Variants in PRDM1 observed in about 807,000 individuals in gnomAD.
The protein encoded by PRDM1 is PR/SET domain 1.
Under a neutral mutation model 62.8 loss-of-function variants are expected in PRDM1, and 13 were observed. The ratio of observed to expected loss-of-function variants is 0.21; its 90% CI spans 0.13 to 0.33. PRDM1 has a LOEUF of 0.33. Ranked by LOEUF, PRDM1 falls within the 10% of genes least tolerant of loss-of-function variation. The probability of loss-of-function intolerance (pLI) is 1.00; values close to 1 mark genes in which losing one functional copy is unlikely to be tolerated. For synonymous variants in PRDM1, 396 were observed against 417.6 expected, an observed-to-expected ratio of 0.95 and a Z score of 0.63; for missense variants, 895 against 1,058.8, an observed-to-expected ratio of 0.85 and a Z score of 2.15.
chr6:106,001,069 A>G (rs566757614), intron 1 of PRDM1, among the ~76,000 whole-genome samples: 1 of 152,344 alleles, frequency 6.6e-6, no homozygotes, highest in African/African-American at 2.4e-5. Context: ...TGACATTCAA[A>G]TACTTTTCCA....
chr6:106,053,917 G>A (rs1306863647), intron 1 of PRDM1, among the ~76,000 whole-genome samples: 1 of 150,786 alleles, frequency 6.6e-6, no homozygotes, highest in African/African-American at 2.4e-5. Flanking sequence ...AGAGTGGTGA[G>A]ATCTTTTGAA....
chr6:106,028,187 G>A (rs979142339), intron 1 of PRDM1, among the ~76,000 whole-genome samples: 1 of 152,070 alleles, frequency 6.6e-6, no homozygotes, highest in Non-Finnish European at 1.5e-5. Context: ...TTCCTCCAGC[G>A]GGGCTGGATT....
chr6:106,074,513 CTTAA>C (rs1773570498), intron 1 of PRDM1, among the ~76,000 whole-genome samples: 1 of 152,086 alleles, frequency 6.6e-6, no homozygotes, highest in Non-Finnish European at 1.5e-5. Flanking sequence ...AATTACGTAA[CTTAA>C]TTAAATATTA....
intron 1 of PRDM1, among the ~76,000 whole-genome samples, chr6:106,016,909 C>G (rs780641090): frequency 3.9e-5 from 6 of 152,132 alleles, no homozygotes; most frequent in Non-Finnish European, 5.9e-5. Flanking sequence ...GCCTTGGCCT[C>G]CCAAAGTGCC....
rs187580969 is a variant in PRDM1 at position 105,998,141 on chromosome 6, T to G, written c.-67+4502T>G. On this transcript the variant is annotated intron_variant, in intron 1 of 6. Coordinates refer to the PRDM1 transcript ENST00000652320. ...GTTTTTTTAAGTTTGCTCTTATAGA[T>G]AAACATTGCTGCCTTTCACAGCATT... is the stretch of plus-strand genomic sequence containing the variant. Among the ~76,000 whole-genome samples the G allele has an allele frequency of 1.8e-3, 273 of 152,354 alleles. 2 individuals carry two copies. Among genetic ancestry groups the G allele is most frequent in the African/African-American group, 6.4e-3 (265 of 41,582 alleles).
intron 1 of PRDM1, among the ~76,000 whole-genome samples, chr6:106,058,221 G>A (rs1773293787): frequency 1.3e-5 from 2 of 152,166 alleles, no homozygotes; most frequent in African/African-American, 4.8e-5. Flanking sequence ...CAGAGTTCTG[G>A]AGGCTGAGAA....
At chr6:106,078,474 C>A (rs1253007358) in intron 1 of PRDM1, among the ~76,000 whole-genome samples, 1 of 152,214 alleles carries the variant, frequency 6.6e-6, no homozygotes, top group Non-Finnish European at 1.5e-5. Context: ...GCAGAGACTG[C>A]TGCTTTTGAT....
intron 2 of PRDM1, among the ~76,000 whole-genome samples, chr6:106,089,158 C>G (rs1295900730): frequency 6.6e-6 from 1 of 152,156 alleles, no homozygotes; most frequent in Non-Finnish European, 1.5e-5. Context: ...TTGTGTTTAC[C>G]TTTAATATAA....
chr6:106,082,819 CTG>C (rs1210473392), upstream of PRDM1, among the ~76,000 whole-genome samples: 2 of 152,190 alleles, frequency 1.3e-5, no homozygotes, highest in Non-Finnish European at 2.9e-5. Context: ...GGGAGGTGAG[CTG>C]TGTCATGAGA....
intron 1 of PRDM1, among the ~76,000 whole-genome samples, chr6:106,087,360 A>G (rs1773836753): frequency 6.6e-6 from 1 of 152,232 alleles, no homozygotes; most frequent in Admixed American, 6.5e-5. Flanking sequence ...TTTAAATGGA[A>G]AGTGCTATTT....
At chr6:106,008,774 G>A (rs915988899) in intron 1 of PRDM1, among the ~76,000 whole-genome samples, 5 of 152,170 alleles carry the variant, frequency 3.3e-5, no homozygotes, top group African/African-American at 9.7e-5. Flanking sequence ...TTCCCCTGAT[G>A]CTTTGTCTAA....
rs538412607 is a variant in PRDM1 at position 106,096,339 on chromosome 6, G to A, written c.411+605G>A. Among the ~76,000 whole-genome samples, 14 of 152,158 alleles carry A rather than the reference G, an allele frequency of 9.2e-5. No homozygotes were observed. The East Asian group carries it at 2.7e-3, about 29-fold the overall frequency. ...ATTTTTGTATTTTTAGTAGAGACGG[G>A]GTTCCACTATGTTGGCCATGATGGT... On this transcript the variant is annotated intron_variant, in intron 3 of 6. Coordinates refer to ENST00000369096, the MANE Select transcript of PRDM1 (RefSeq NM_001198.4).
chr6:106,023,371 C>T (rs1582429244), intron 1 of PRDM1, among the ~76,000 whole-genome samples: 1 of 152,014 alleles, frequency 6.6e-6, no homozygotes, highest in African/African-American at 2.4e-5. Context: ...TGCCTGTAGT[C>T]CCAGAGGCAG....
chr6:106,098,564 C>G (rs1774176556), intron 3 of PRDM1: 5 of 1,298,290 alleles, frequency 3.9e-6, no homozygotes, highest in African/African-American at 3.0e-5. Context: ...TCCCTTCCCT[C>G]CTTTGCATTG....
intron 2 of PRDM1, among the ~76,000 whole-genome samples, chr6:106,090,362 G>A (rs1773931118): frequency 6.6e-6 from 1 of 152,162 alleles, no homozygotes; most frequent in Admixed American, 6.5e-5. Flanking sequence ...TAAGAGGTGA[G>A]GGTTCTCTTA....
At chr6:106,045,877 T>C (rs1327090103), upstream of PRDM1, 2 of 152,148 alleles carry the variant, frequency 1.3e-5, no homozygotes, top group Non-Finnish European at 2.9e-5. Context: ...TCTAGAGAAA[T>C]GTCCTAAACA....
At chr6:106,104,265 G>A (rs1774368170) in intron 4 of PRDM1, among the ~76,000 whole-genome samples, 1 of 149,724 alleles carries the variant, frequency 6.7e-6, no homozygotes, top group African/African-American at 2.5e-5. Flanking sequence ...AGTCTGGAGT[G>A]CAATGGCACA....
At chr6:106,063,234 A>G (rs772125830) in intron 1 of PRDM1, among the ~76,000 whole-genome samples, 2 of 152,174 alleles carry the variant, frequency 1.3e-5, no homozygotes, top group South Asian at 2.1e-4. Flanking sequence ...TACACCAAGT[A>G]TGTGCACTGG....
intron 1 of PRDM1, among the ~76,000 whole-genome samples, chr6:106,032,378 T>C (rs1369572034): frequency 6.8e-6 from 1 of 147,626 alleles, no homozygotes; most frequent in African/African-American, 2.5e-5. Context: ...GTTGCCCAGG[T>C]TGGTCTAGAA....
Sources: gnomAD v4.1 joint callset for allele counts (sites outside exome capture counted in the v4.1 genomes callset) on GRCh38, gnomAD v4.1.1 for gene constraint, MANE v1.5 for transcripts, NCBI Gene and HGNC (gene_info 2026-07-23, HGNC 2026-07-21) for gene names.